LRP1B: variants seen among roughly 807,000 people sequenced by gnomAD.
LRP1B encodes the protein low-density lipoprotein receptor-related protein 1B.
In LRP1B, 217 loss-of-function variants were observed where a neutral mutation model predicts 556.6. The ratio of observed to expected loss-of-function variants is 0.39; its 90% confidence interval spans 0.35 to 0.44. LRP1B has a LOEUF of 0.44. Ranked by LOEUF, LRP1B falls within the 20% of genes least tolerant of loss-of-function variation. LRP1B has a pLI of 1.00. For synonymous variants in LRP1B, 2,047 were observed against 1,865.8 expected (o/e 1.10, Z -2.50); for missense variants, 5,053 against 5,620.8 (o/e 0.90, Z 3.23).
At chr2:142,080,198 T>C (rs1248715354) in intron 1 of LRP1B, among the ~76,000 whole-genome samples, 3 of 152,186 alleles carry the variant, frequency 2.0e-5, no homozygotes, top group Non-Finnish European at 4.4e-5. Context: ...TGCTGCTACA[T>C]GTCTTCCAGA....
At chr2:141,842,594 T>C (rs534952318) in intron 1 of LRP1B, among the ~76,000 whole-genome samples, 1 of 152,262 alleles carries the variant, frequency 6.6e-6, no homozygotes, top group South Asian at 2.1e-4. Context: ...GTGTCAATTA[T>C]GATTATTAGC....
intron 41 of LRP1B, among the ~76,000 whole-genome samples, chr2:140,622,792 C>T (rs2105255184): frequency 6.6e-6 from 1 of 152,254 alleles, no homozygotes; most frequent in South Asian, 2.1e-4. Context: ...AGTTTGATTG[C>T]TTAATCAGTT....
rs1366597872 is a variant in LRP1B, at chr2:140,422,362, C to T, written c.10414+20142G>A. On this transcript the variant is annotated intron_variant, in intron 66 of 90. Coordinates refer to ENST00000389484, the MANE Select transcript of LRP1B (RefSeq NM_018557.3). Reference sequence around the variant, plus strand: ...AACACTGGTTTTATTTGCTTGTAATCAAATACAATGTTATAGTACAAAAGC... The same window carrying T: ...AACACTGGTTTTATTTGCTTGTAATTAAATACAATGTTATAGTACAAAAGC... 3.9e-5 allele frequency among the ~76,000 whole-genome samples: 6 copies of T among 152,190 alleles called. No homozygotes were observed. In the South Asian group the frequency reaches 6.2e-4, roughly 16 times the overall value.
intron 2 of LRP1B, among the ~76,000 whole-genome samples, chr2:141,743,505 T>TTTTTTTTTTTTTTTTTTTC: frequency 1.4e-5 from 1 of 72,504 alleles, no homozygotes; most frequent in Non-Finnish European, 3.1e-5. Context: ...TTTTTTCTTT[T>TTTTTTTTTTTTTTTTTTTC]TTTTTTTTTT....
chr2:141,728,485 A>G (rs574026322), intron 2 of LRP1B, among the ~76,000 whole-genome samples: 20 of 152,170 alleles, frequency 1.3e-4, no homozygotes, highest in African/African-American at 4.3e-4. Context: ...GTACAAATCC[A>G]GGGCTTTGAG....
In LRP1B at chr2:142,031,280, C is replaced by T. The variant is rs1430638462; in HGVS notation, c.82+99368G>A. 2.7e-5 allele frequency among the ~76,000 whole-genome samples: 4 copies of T among 147,964 alleles called. No individual in the cohort carries two copies. In the East Asian group the frequency reaches 8.1e-4, roughly 30 times the overall value. On this transcript the variant is annotated intron_variant, in intron 1 of 90. Transcript: ENST00000389484. ...TGGATTCTCATGTTATTGCTGAACT[C>T]AATATATCTGGTAAAAACAGATATA...
rs1164744161 is a variant in LRP1B, at chr2:141,016,025, T to C, written c.1971-110A>G. On this transcript the variant is annotated intron_variant, in intron 12 of 90. Coordinates refer to ENST00000389484, the MANE Select transcript of LRP1B (RefSeq NM_018557.3). Reference sequence around the variant, plus strand: ...CATAAATTCTAGTTTCATTCTGATTTGTCCTCCTATCTAAGTGCTTATCTG... The same window carrying C: ...CATAAATTCTAGTTTCATTCTGATTCGTCCTCCTATCTAAGTGCTTATCTG... The C allele has an allele frequency of 3.8e-6, 3 of 785,674 alleles. No individual in the cohort carries two copies. The African/African-American group carries it at 5.1e-5, about 13-fold the overall frequency. The allele number at this position is 785,674 out of a possible 1,614,324, so 48.7% of individuals were successfully genotyped here. A position where few individuals can be genotyped will look rare whatever the true frequency, so the allele number is the denominator to read the frequency against.
At chr2:141,952,809 C>A (rs1439187877) in intron 1 of LRP1B, among the ~76,000 whole-genome samples, 1 of 152,030 alleles carries the variant, frequency 6.6e-6, no homozygotes, top group Non-Finnish European at 1.5e-5. Context: ...ATCTGGCTTA[C>A]TGTTGAAAAA....
At chr2:141,197,007 A>C (rs1365650521) in intron 6 of LRP1B, among the ~76,000 whole-genome samples, 1 of 152,136 alleles carries the variant, frequency 6.6e-6, no homozygotes, top group Non-Finnish European at 1.5e-5. Context: ...GTTCCCCTGC[A>C]CAAACCTCTT....
At chr2:141,157,009 T>C (rs1702083643) in intron 7 of LRP1B, among the ~76,000 whole-genome samples, 1 of 152,112 alleles carries the variant, frequency 6.6e-6, no homozygotes, top group South Asian at 2.1e-4. Context: ...CCTTCAGAGA[T>C]ATCTGCAAAT....
In LRP1B at chr2:141,310,598, T is replaced by TTC. The variant is rs971724467; in HGVS notation, c.344-55959_344-55958dup. 4.0e-5 allele frequency among the ~76,000 whole-genome samples: 6 copies of TTC among 151,678 alleles called. No homozygotes were observed. In the East Asian group the frequency reaches 7.7e-4, roughly 20 times the overall value. On this transcript the variant is annotated intron_variant, in intron 3 of 90. Coordinates refer to ENST00000389484, the MANE Select transcript of LRP1B (RefSeq NM_018557.3). Reference sequence around the variant, plus strand: ...CAGTATATAACACACTTTCTCTCTTTTCTCTCTCTCTCTCAGACACAAATA... The same window carrying TTC: ...CAGTATATAACACACTTTCTCTCTTTTCTCTCTCTCTCTCTCAGACACAAATA...
intron 1 of LRP1B, among the ~76,000 whole-genome samples, chr2:142,024,620 G>GTTTTTTTTTTTTTTT (rs3041443): frequency 7.6e-6 from 1 of 131,026 alleles, no homozygotes. Flanking sequence ...CAGCTGAAAT[G>GTTTTTTTTTTTTTTT]TTTTTTTTTT....
intron 2 of LRP1B, among the ~76,000 whole-genome samples, chr2:141,599,993 C>T (rs1357675391): frequency 1.3e-5 from 2 of 152,082 alleles, no homozygotes; most frequent in Admixed American, 1.3e-4. Flanking sequence ...TTTATTATTG[C>T]TCCTTAGTGG....
chr2:141,173,851 C>T (rs924167629), intron 7 of LRP1B, among the ~76,000 whole-genome samples: 8 of 152,018 alleles, frequency 5.3e-5, no homozygotes, highest in African/African-American at 1.9e-4. Flanking sequence ...CTATGTGAGA[C>T]AAATTTACTT....
intron 2 of LRP1B, among the ~76,000 whole-genome samples, chr2:141,605,645 T>C (rs534959610): frequency 1.3e-5 from 2 of 152,248 alleles, no homozygotes; most frequent in South Asian, 4.2e-4. Context: ...TCTGCCACCA[T>C]AAACACACAG....
At chr2:140,563,047 G>C (rs576155002) in intron 43 of LRP1B, among the ~76,000 whole-genome samples, 2 of 152,192 alleles carry the variant, frequency 1.3e-5, no homozygotes, top group African/African-American at 4.8e-5. Flanking sequence ...TTTAATACCA[G>C]GAAACTGTTC....
At chr2:141,398,434 G>A (rs1243719563) in intron 3 of LRP1B, among the ~76,000 whole-genome samples, 2 of 152,138 alleles carry the variant, frequency 1.3e-5, no homozygotes, top group African/African-American at 2.4e-5. Flanking sequence ...ACAAGCAAGC[G>A]GGTATAGCAG....
At chr2:140,485,285 T>A (rs1422451640) in intron 59 of LRP1B, 58 bp downstream of exon 59, 3 of 1,352,406 alleles carry the variant, frequency 2.2e-6, no homozygotes, top group Non-Finnish European at 3.1e-6. Flanking sequence ...GTACTAGATT[T>A]ACTACTATGA....
intron 3 of LRP1B, among the ~76,000 whole-genome samples, chr2:141,317,012 G>A (rs543438683): frequency 2.0e-4 from 31 of 152,302 alleles, no homozygotes; most frequent in African/African-American, 7.5e-4. Flanking sequence ...ATAAAGAGAT[G>A]CCAAACTGGG....
Sources: allele counts gnomAD v4.1 joint callset (sites outside exome capture counted in the v4.1 genomes callset), GRCh38; gene constraint gnomAD v4.1.1; transcripts MANE v1.5; gene names NCBI Gene and HGNC (gene_info 2026-07-23, HGNC 2026-07-21).